Variants in TTLL11 observed in about 807,000 individuals in gnomAD.
The protein encoded by TTLL11 is tubulin tyrosine ligase like 11.
TTLL11 carries 42 observed loss-of-function variants against 51.7 expected under a neutral mutation model. The ratio of observed to expected loss-of-function variants is 0.81; its 90% CI spans 0.64 to 1.05. TTLL11 has a LOEUF of 1.05. Ranked by LOEUF, TTLL11 falls within the 50% of genes least tolerant of loss-of-function variation. TTLL11 has a pLI of 0.00. For missense variants in TTLL11, 799 were observed against 940.4 expected, an observed-to-expected ratio of 0.85 and a Z score of 1.97; for synonymous variants, 381 against 383.5, an observed-to-expected ratio of 0.99 and a Z score of 0.08.
At chr9:122,015,111 A>G (rs1843925828) in intron 3 of TTLL11, among the ~76,000 whole-genome samples, 1 of 152,196 alleles carries the variant, frequency 6.6e-6, no homozygotes, top group Non-Finnish European at 1.5e-5. Flanking sequence ...GGTCATGTAT[A>G]TAAAAATCAT....
intron 6 of TTLL11, among the ~76,000 whole-genome samples, chr9:121,913,474 G>GA (rs1175709536): frequency 6.6e-6 from 1 of 152,184 alleles, no homozygotes; most frequent in Non-Finnish European, 1.5e-5. Flanking sequence ...TCAAGTCTTA[G>GA]AAAATACAAG....
At chr9:121,857,919 A>G (rs1409958897) in intron 8 of TTLL11, among the ~76,000 whole-genome samples, 1 of 152,190 alleles carries the variant, frequency 6.6e-6, no homozygotes, top group Non-Finnish European at 1.5e-5. Flanking sequence ...GATCAATTTC[A>G]ATATTTAATA....
intron 6 of TTLL11, among the ~76,000 whole-genome samples, chr9:121,874,093 G>A (rs922131193): frequency 3.9e-5 from 6 of 151,974 alleles, no homozygotes; most frequent in African/African-American, 1.4e-4. Flanking sequence ...CTGACCTCAA[G>A]TGATCCACCC....
chr9:122,022,796 T>C (rs1056473184), intron 3 of TTLL11, among the ~76,000 whole-genome samples: 1 of 151,958 alleles, frequency 6.6e-6, no homozygotes, highest in African/African-American at 2.4e-5. Flanking sequence ...AAAACAAAAA[T>C]GATAACAATG....
chr9:121,865,471 A>G (rs952454391), intron 7 of TTLL11, among the ~76,000 whole-genome samples: 2 of 152,180 alleles, frequency 1.3e-5, no homozygotes, highest in African/African-American at 4.8e-5. Context: ...AAACTGCTTA[A>G]TTTCTGGGCT....
At chr9:121,979,863 C>T (rs1297356308) in intron 4 of TTLL11, among the ~76,000 whole-genome samples, 2 of 152,078 alleles carry the variant, frequency 1.3e-5, no homozygotes, top group Non-Finnish European at 2.9e-5. Flanking sequence ...CTTACTATTA[C>T]TACACATCTT....
rs144009501 is a variant in TTLL11 at position 122,069,989 on chromosome 9, TCA to T, written c.462+22696_462+22697del. On this transcript the variant is annotated intron_variant, in intron 1 of 8. Transcript: ENST00000321582. ...CCTACTCTAGGCCAGGCATAGAGAA[TCA>T]CACACACACACACACACACACGCGC... Among the ~76,000 whole-genome samples, 305 of 148,346 alleles carry T rather than the reference TCA, an allele frequency of 2.1e-3. 1 individual carries two copies. The highest frequency in any genetic ancestry group is 5.1e-3 in the Admixed American group (76 of 14,838).
Position 121,894,072 on chromosome 9 carries a change from A to G in TTLL11, c.1482-23324T>C, listed in dbSNP as rs543882709. On this transcript the variant is annotated intron_variant, in intron 6 of 8. Transcript: ENST00000321582. ...AAAGCCATGGGTACTAAGTGTCTTCATGTTGGTACCAAGCAGATAAACATG... is the reference window on the plus strand; with the variant it reads ...AAAGCCATGGGTACTAAGTGTCTTCGTGTTGGTACCAAGCAGATAAACATG... Among the ~76,000 whole-genome samples, 7 of 152,284 alleles carry G rather than the reference A, an allele frequency of 4.6e-5. No homozygotes were observed. The East Asian group carries it at 1.4e-3, about 29-fold the overall frequency.
rs1474326056 is a variant in TTLL11 at position 121,995,612 on chromosome 9, T to C, written c.694-5842A>G. Reference sequence around the variant, plus strand: ...ACTACAGGGAGAGGAGCAGGTCTCATTGAAGGAAAGTGGGGACAAGGAGAG... The same window carrying C: ...ACTACAGGGAGAGGAGCAGGTCTCACTGAAGGAAAGTGGGGACAAGGAGAG... On this transcript the variant is annotated intron_variant, in intron 3 of 8. Transcript: ENST00000321582. The surrounding 1 kb of genome is among the most constrained non-coding windows in gnomAD (Gnocchi z 4.4). Among the ~76,000 whole-genome samples the C allele has an allele frequency of 2.0e-5, 3 of 152,070 alleles. No homozygotes were observed. Among genetic ancestry groups the C allele is most frequent in the Non-Finnish European group, 4.4e-5 (3 of 68,016 alleles).
In TTLL11 at chr9:122,029,449, C is replaced by T. The variant is rs868516350; in HGVS notation, c.693+2274G>A. 2.0e-5 allele frequency among the ~76,000 whole-genome samples: 3 copies of T among 152,000 alleles called. No homozygotes were observed. The South Asian group carries it at 6.2e-4, about 32-fold the overall frequency. On this transcript the variant is annotated intron_variant, in intron 3 of 8. Transcript: ENST00000321582. ...ACAGTGATATTGATGATCCTGACCC[C>T]GTGTAGGCCTAGGCGAAGGTATGTG...
intron 6 of TTLL11, among the ~76,000 whole-genome samples, chr9:121,916,104 G>T (rs1840315924): frequency 6.6e-6 from 1 of 151,792 alleles, no homozygotes; most frequent in Non-Finnish European, 1.5e-5. Context: ...CATCATCAGA[G>T]GATTAATTAT....
intron 8 of TTLL11, among the ~76,000 whole-genome samples, chr9:121,826,525 A>ATG (rs1836793340): frequency 2.0e-5 from 1 of 48,816 alleles, no homozygotes; most frequent in African/African-American, 8.9e-5. Flanking sequence ...GTATATATAT[A>ATG]TATGTGTGTG....
chr9:121,841,285 C>A (rs1163895292), intron 8 of TTLL11, among the ~76,000 whole-genome samples: 1 of 152,082 alleles, frequency 6.6e-6, no homozygotes, highest in African/African-American at 2.4e-5. Flanking sequence ...CAAGTCTAAT[C>A]TCAAAGGCTA....
At chr9:121,901,654 G>A (rs1260557766) in intron 6 of TTLL11, among the ~76,000 whole-genome samples, 1 of 151,824 alleles carries the variant, frequency 6.6e-6, no homozygotes, top group Non-Finnish European at 1.5e-5. Flanking sequence ...CTGCGGGATG[G>A]GTTTTTCCTG....
intron 6 of TTLL11, among the ~76,000 whole-genome samples, chr9:121,922,825 G>T (rs1234999733): frequency 6.6e-6 from 1 of 150,824 alleles, no homozygotes; most frequent in Non-Finnish European, 1.5e-5. Flanking sequence ...AATCCCAAAG[G>T]TTAAGTGGAC....
At chr9:122,037,928 A>G (rs988849007) in intron 2 of TTLL11, among the ~76,000 whole-genome samples, 9 of 152,154 alleles carry the variant, frequency 5.9e-5, no homozygotes, top group African/African-American at 9.7e-5. Flanking sequence ...TGTATAACGT[A>G]TGGCTATTGT....
At chr9:122,069,659 C>T (rs766774152) in intron 1 of TTLL11, among the ~76,000 whole-genome samples, 34 of 152,040 alleles carry the variant, frequency 2.2e-4, no homozygotes, top group Middle Eastern at 6.8e-3. Context: ...CCAGCCTGGG[C>T]GACAGAGTGA....
chr9:122,082,561 T>C (rs543968467), intron 1 of TTLL11, among the ~76,000 whole-genome samples: 68 of 146,498 alleles, frequency 4.6e-4, no homozygotes, highest in African/African-American at 1.6e-3. Flanking sequence ...CTCTTTGTAA[T>C]AGCAAAGAAA....
rs201992639 is a variant in TTLL11, at chr9:121,834,829, GAA to G, written c.1841-11952_1841-11951del. On this transcript the variant is annotated intron_variant, in intron 8 of 8. Coordinates refer to ENST00000321582, the MANE Select transcript of TTLL11 (RefSeq NM_001139442.2). ...GCGACAGAGTGAGACTCTGTCTCAGGAAAAAAAAAAAAAAATAGTGGCACAAG... is the reference window on the plus strand; with the variant it reads ...GCGACAGAGTGAGACTCTGTCTCAGGAAAAAAAAAAAAATAGTGGCACAAG... Among the ~76,000 whole-genome samples, 1,308 of 141,158 alleles carry G rather than the reference GAA, an allele frequency of 9.3e-3. 13 individuals are homozygous for G. The highest frequency in any genetic ancestry group is 0.041 in the East Asian group (197 of 4,848). The allele number at this position is 141,158 out of a possible 152,430, so 92.6% of individuals were successfully genotyped here. A position where few individuals can be genotyped will look rare whatever the true frequency, so the allele number is the denominator to read the frequency against.
Sources: allele counts gnomAD v4.1 joint callset (sites outside exome capture counted in the v4.1 genomes callset), GRCh38; gene constraint gnomAD v4.1.1; non-coding constraint Gnocchi (gnomAD v3.1); transcripts MANE v1.5; gene names NCBI Gene and HGNC (gene_info 2026-07-23, HGNC 2026-07-21).